JAK2: variants seen among roughly 807,000 people sequenced by gnomAD.
JAK2 encodes tyrosine-protein kinase JAK2.
Under a neutral mutation model 139.3 loss-of-function variants are expected in JAK2, and 86 were observed. The ratio of observed to expected loss-of-function variants is 0.62; its 90% confidence interval spans 0.52 to 0.74. The LOEUF is 0.74. Among genes scored for constraint, JAK2 ranks in the 30% least tolerant of loss-of-function variants. JAK2 has a pLI of 0.00. For synonymous variants in JAK2, 490 were observed against 437.7 expected, an observed-to-expected ratio of 1.12 and a Z score of -1.49; for missense variants, 1,421 against 1,360.3, an observed-to-expected ratio of 1.04 and a Z score of -0.70.
At chr9:5,114,126 T>C in intron 22 of JAK2, 1 of 363,766 alleles carries the variant, frequency 2.7e-6, no homozygotes, top group Non-Finnish European at 5.5e-6. Flanking sequence ...CCAGGTCACC[T>C]ATCAAGGTAA....
chr9:5,042,214 T>C (rs1194317950), intron 4 of JAK2, among the ~76,000 whole-genome samples: 10 of 145,820 alleles, frequency 6.9e-5, no homozygotes, highest in Non-Finnish European at 1.3e-4. Context: ...CTCGGCTCAC[T>C]GCAAGCTCCG....
intron 4 of JAK2, chr9:5,040,970 A>C (rs1466355101): frequency 1.0e-5 from 6 of 575,620 alleles, no homozygotes; most frequent in African/African-American, 3.8e-5. Context: ...ACAAACAAAT[A>C]TGTGGCTATC....
intron 16 of JAK2, among the ~76,000 whole-genome samples, chr9:5,078,736 C>T (rs1439530129): frequency 6.6e-6 from 1 of 151,906 alleles, no homozygotes; most frequent in Admixed American, 6.6e-5. Context: ...TGTAATATTC[C>T]TTGAGCCACA....
At chr9:5,063,121 C>T (rs1332776781) in intron 8 of JAK2, among the ~76,000 whole-genome samples, 1 of 151,954 alleles carries the variant, frequency 6.6e-6, no homozygotes, top group African/African-American at 2.4e-5. Flanking sequence ...TGGTTGAGGA[C>T]TCTATTCTGT....
Position 5,096,212 on chromosome 9 carries a change from T to C in JAK2, c.3059+5301T>C, listed in dbSNP as rs545624726. 4.2e-3 allele frequency among the ~76,000 whole-genome samples: 641 copies of C among 152,302 alleles called. 3 individuals carry two copies. The highest frequency in any genetic ancestry group is 6.1e-3 in the Non-Finnish European group (417 of 68,028). Reference sequence around the variant, plus strand: ...CCCATATTACTCCTCCCTCCACTTATTTCTTCTACCTTCCTCTTACCCATC... The same window carrying C: ...CCCATATTACTCCTCCCTCCACTTACTTCTTCTACCTTCCTCTTACCCATC... On this transcript the variant is annotated intron_variant, in intron 22 of 24. Transcript: ENST00000381652.
chr9:5,072,635 G>C lies in JAK2; in HGVS notation c.1776+9G>C. On this transcript the variant is annotated intron_variant, in intron 13 of 24. Transcript: ENST00000381652. ...ACAGAAACTATTCAGAGGTGTGTAT[G>C]TTCTTTATATTGTTCATGTAGTTTA... The C allele has an allele frequency of 6.3e-7, 1 of 1,582,470 alleles. No homozygotes were observed. Among genetic ancestry groups the C allele is most frequent in the Non-Finnish European group, 8.6e-7 (1 of 1,162,046 alleles).
chr9:5,021,765 C>G (rs1241229101), intron 2 of JAK2, among the ~76,000 whole-genome samples, 198 bp from the exon 3 acceptor site: 7 of 152,168 alleles, frequency 4.6e-5, no homozygotes, highest in Admixed American at 3.3e-4. Context: ...GCTAGGACTA[C>G]AAGTGCGTGC....
intron 2 of JAK2, among the ~76,000 whole-genome samples, chr9:4,999,066 C>G (rs568472129): frequency 4.6e-5 from 7 of 152,060 alleles, no homozygotes; most frequent in Non-Finnish European, 1.0e-4. Flanking sequence ...ACCTTGTGAT[C>G]CACCTGCCTC....
rs79231647 is a variant in JAK2 at position 5,043,630 on chromosome 9, A to T, written c.351-773A>T. Among the ~76,000 whole-genome samples, 454 of 152,370 alleles carry T rather than the reference A, an allele frequency of 3.0e-3. 1 individual carries two copies. The highest frequency in any genetic ancestry group is 0.01 in the African/African-American group (436 of 41,588). On this transcript the variant is annotated intron_variant, in intron 4 of 24. Transcript: ENST00000381652. ...GCAATAGAAATGAAAACATATCCAC[A>T]AAAACTTGTACATGACTCTTCATAC...
intron 22 of JAK2, among the ~76,000 whole-genome samples, chr9:5,118,657 A>G (rs2130836416): frequency 6.6e-6 from 1 of 152,326 alleles, no homozygotes; most frequent in Admixed American, 6.5e-5. Flanking sequence ...CACTTTACAG[A>G]TGTAAACGCT....
chr9:5,058,624 C>G (rs1031558069), intron 8 of JAK2, among the ~76,000 whole-genome samples: 2 of 152,166 alleles, frequency 1.3e-5, no homozygotes, highest in African/African-American at 4.8e-5. Context: ...TTTAGGGAGC[C>G]ACCATGCTGT....
chr9:5,053,588 T>C (rs1258534828), intron 6 of JAK2, among the ~76,000 whole-genome samples: 1 of 152,022 alleles, frequency 6.6e-6, no homozygotes, highest in African/African-American at 2.4e-5. Context: ...CAGTTTCTCT[T>C]GAAATAATGG....
chr9:5,027,163 T>A (rs961778279), intron 3 of JAK2, among the ~76,000 whole-genome samples: 1 of 152,232 alleles, frequency 6.6e-6, no homozygotes, highest in South Asian at 2.1e-4. Flanking sequence ...TTTAAAAATA[T>A]CTGCTTGAAA....
intron 19 of JAK2, among the ~76,000 whole-genome samples, chr9:5,084,431 C>A (rs533765958): frequency 2.0e-5 from 3 of 152,070 alleles, no homozygotes; most frequent in Non-Finnish European, 4.4e-5. Context: ...GCTACTGTAT[C>A]CCTTTGTTAT....
intron 9 of JAK2, among the ~76,000 whole-genome samples, chr9:5,065,731 C>A (rs1818523528): frequency 1.3e-5 from 2 of 152,244 alleles, no homozygotes; most frequent in South Asian, 2.1e-4. Flanking sequence ...TAGCTTAAGT[C>A]CTAATGATCT....
chr9:5,005,083 A>ATT (rs527982744), intron 2 of JAK2, among the ~76,000 whole-genome samples: 2 of 40,034 alleles, frequency 5.0e-5, no homozygotes, highest in African/African-American at 1.0e-4. Flanking sequence ...TGCCTGGCTA[A>ATT]TTTTTTTTTT....
chr9:5,098,501 CA>C (rs1821200918), intron 22 of JAK2: 2 of 152,124 alleles, frequency 1.3e-5, no homozygotes, highest in African/African-American at 4.8e-5. Context: ...CTCATATTAG[CA>C]CCACAGATGC....
At chr9:5,089,932 A>G in intron 20 of JAK2, 69 bp downstream of exon 20, 12 of 1,093,330 alleles carry the variant, frequency 1.1e-5, no homozygotes, top group South Asian at 2.9e-5. Context: ...ATATAAATGT[A>G]CAATGTCTTA....
intron 10 of JAK2, 151 bp from the exon 11 acceptor site, chr9:5,068,871 A>G: frequency 4.2e-6 from 2 of 471,088 alleles, no homozygotes; most frequent in Non-Finnish European, 7.4e-6. Context: ...TTGAGGAACT[A>G]AGTACTTCTA....
Sources: gnomAD v4.1 joint callset for allele counts (sites outside exome capture counted in the v4.1 genomes callset) on GRCh38, gnomAD v4.1.1 for gene constraint, MANE v1.5 for transcripts, NCBI Gene and HGNC (gene_info 2026-07-23, HGNC 2026-07-21) for gene names.